The following RIN2 variants were observed in gnomAD, a reference collection of about 807,000 sequenced individuals.
RIN2 encodes the protein RAB5 interacting protein 2.
Under a neutral mutation model 78.0 loss-of-function variants are expected in RIN2, and 36 were observed. That is an observed-to-expected ratio of 0.46 (90% CI 0.35 to 0.61). The LOEUF is 0.61. Ranked by LOEUF, RIN2 falls within the 20% of genes least tolerant of loss-of-function variation. The pLI, the probability that RIN2 is intolerant of heterozygous loss-of-function variation, is 0.00. For synonymous variants in RIN2, 466 were observed against 466.8 expected, an observed-to-expected ratio of 1.00 and a Z score of 0.02; for missense variants, 1,087 against 1,159.7, an observed-to-expected ratio of 0.94 and a Z score of 0.91.
chr20:19,850,475 C>T (rs1351418126), intron 2 of RIN2, among the ~76,000 whole-genome samples: 2 of 152,208 alleles, frequency 1.3e-5, no homozygotes, highest in Non-Finnish European at 2.9e-5. Context: ...TCACAAACCA[C>T]TTGGCCACTA....
intron 2 of RIN2, among the ~76,000 whole-genome samples, chr20:19,805,799 A>C (rs1444622944): frequency 6.6e-6 from 1 of 151,918 alleles, no homozygotes; most frequent in Non-Finnish European, 1.5e-5. Context: ...TACATGTGCC[A>C]TGGTGGTTTG....
chr20:19,956,885 T>C, intron 5 of RIN2, 78 bp downstream of exon 5: 1 of 1,251,680 alleles, frequency 8.0e-7, no homozygotes, highest in Non-Finnish European at 1.1e-6. Context: ...TTGGAGTTAG[T>C]TCCAGAAATT....
At chr20:19,852,608 T>C (rs1264590971) in intron 2 of RIN2, among the ~76,000 whole-genome samples, 4 of 152,176 alleles carry the variant, frequency 2.6e-5, no homozygotes, top group African/African-American at 4.8e-5. Flanking sequence ...GCCAAAGGGA[T>C]AGTGGGCAGG....
chr20:19,873,816 C>T lies in RIN2; in HGVS notation c.-36-15750C>T, dbSNP rs563235536. Among the ~76,000 whole-genome samples, 11 of 152,212 alleles carry T rather than the reference C, an allele frequency of 7.2e-5. No individual in the cohort carries two copies. The East Asian group carries it at 1.9e-3, about 27-fold the overall frequency. On this transcript the variant is annotated intron_variant, in intron 2 of 12. Transcript: ENST00000255006. ...TTACAGAATTGAAAATACAGTTGAT[C>T]CTCATTATTTGTGAATTCTGTATTT...
intron 2 of RIN2, among the ~76,000 whole-genome samples, chr20:19,803,462 G>C (rs2035310088): frequency 6.6e-6 from 1 of 152,088 alleles, no homozygotes; most frequent in African/African-American, 2.4e-5. Flanking sequence ...TCTGATTTTT[G>C]ACAAACCTGA....
intron 2 of RIN2, among the ~76,000 whole-genome samples, chr20:19,837,821 C>T (rs2123055421): frequency 6.6e-6 from 1 of 151,626 alleles, no homozygotes; most frequent in East Asian, 1.9e-4. Context: ...TTTCTTTCTT[C>T]CCCTCCCCTG....
At chr20:19,822,759 G>A (rs200597741) in intron 2 of RIN2, among the ~76,000 whole-genome samples, 1 of 152,124 alleles carries the variant, frequency 6.6e-6, no homozygotes, top group Non-Finnish European at 1.5e-5. Context: ...GTCACTTTTT[G>A]TTGCTCATGC....
At chr20:19,811,835 A>G (rs2035613021) in intron 2 of RIN2, among the ~76,000 whole-genome samples, 1 of 150,816 alleles carries the variant, frequency 6.6e-6, no homozygotes, top group Non-Finnish European at 1.5e-5. Context: ...TATTTAGAAT[A>G]TGCTCCCATT....
rs981623499 is a variant in RIN2 at position 19,857,059 on chromosome 20, G to A, written c.-36-32507G>A. Among the ~76,000 whole-genome samples the A allele has an allele frequency of 1.4e-4, 22 of 152,288 alleles. No individual in the cohort carries two copies. The East Asian group carries it at 4.2e-3, about 29-fold the overall frequency. ...TGAACTTTAGGCAGAGACCCCGGTA[G>A]CCACCATCCAGATCAAGGTCTAGAA... is the stretch of plus-strand genomic sequence containing the variant. On this transcript the variant is annotated intron_variant, in intron 2 of 12. Coordinates refer to ENST00000255006, the MANE Select transcript of RIN2 (RefSeq NM_018993.4).
chr20:19,787,843 G>A (rs1023399989), intron 1 of RIN2, among the ~76,000 whole-genome samples: 1 of 152,158 alleles, frequency 6.6e-6, no homozygotes, highest in Non-Finnish European at 1.5e-5. Context: ...ACTCAAGCAT[G>A]TGCTTACTGG....
chr20:19,848,534 C>CAAAAAAAAAAAAAAAAAAAAAAAAAAAA, intron 2 of RIN2, among the ~76,000 whole-genome samples: 1 of 52,838 alleles, frequency 1.9e-5, no homozygotes, highest in South Asian at 6.6e-4. Flanking sequence ...GACTCCATCT[C>CAAAAAAAAAAAAAAAAAAAAAAAAAAAA]AAAAAAAAAA....
chr20:19,861,072 C>G (rs17373110), intron 2 of RIN2, among the ~76,000 whole-genome samples: 1 of 152,098 alleles, frequency 6.6e-6, no homozygotes, highest in African/African-American at 2.4e-5. Flanking sequence ...TTAACAGTTC[C>G]CCTTATGACT....
At chr20:19,944,568 AT>A (rs1230506034) in intron 4 of RIN2, among the ~76,000 whole-genome samples, 1 of 152,202 alleles carries the variant, frequency 6.6e-6, no homozygotes, top group African/African-American at 2.4e-5. Flanking sequence ...CTTTCTTGCC[AT>A]TGCAGCTGGT....
chr20:19,858,944 C>T (rs905264310), intron 2 of RIN2, among the ~76,000 whole-genome samples: 4 of 152,140 alleles, frequency 2.6e-5, no homozygotes, highest in Non-Finnish European at 4.4e-5. Context: ...GCTGCAAACA[C>T]GGTGGAGGAC....
intron 2 of RIN2, among the ~76,000 whole-genome samples, chr20:19,851,894 C>T (rs1233552560): frequency 6.6e-6 from 1 of 152,174 alleles, no homozygotes; most frequent in Non-Finnish European, 1.5e-5. Flanking sequence ...TTCTTTCTCA[C>T]ACTTACGTAT....
intron 1 of RIN2, among the ~76,000 whole-genome samples, chr20:19,787,366 T>C (rs1270616170): frequency 7.2e-6 from 1 of 139,274 alleles, no homozygotes; most frequent in Non-Finnish European, 1.5e-5. Flanking sequence ...GAGGTTGCAG[T>C]GAGCTGAGAT....
intron 4 of RIN2, among the ~76,000 whole-genome samples, chr20:19,944,613 G>A (rs967335249): frequency 3.3e-5 from 5 of 152,150 alleles, no homozygotes; most frequent in Non-Finnish European, 7.3e-5. Context: ...TTTTAGTCTG[G>A]CATGCAGCTG....
intron 2 of RIN2, among the ~76,000 whole-genome samples, chr20:19,874,689 G>T (rs1183030179): frequency 6.6e-6 from 1 of 152,130 alleles, no homozygotes; most frequent in African/African-American, 2.4e-5. Context: ...GCTTCCAGGG[G>T]AATGGAGACT....
At chr20:19,913,839 A>G (rs555180224) in intron 3 of RIN2, among the ~76,000 whole-genome samples, 3 of 152,326 alleles carry the variant, frequency 2.0e-5, no homozygotes, top group African/African-American at 7.2e-5. Flanking sequence ...CCATCAGCGG[A>G]CACTGGGTGC....
Sources: gnomAD v4.1 joint callset for allele counts (sites outside exome capture counted in the v4.1 genomes callset) on GRCh38, gnomAD v4.1.1 for gene constraint, MANE v1.5 for transcripts, NCBI Gene and HGNC (gene_info 2026-07-23, HGNC 2026-07-21) for gene names.